FAM107B: variants seen among roughly 807,000 people sequenced by gnomAD.
The protein encoded by FAM107B is protein FAM107B.
A neutral mutation model predicts 31.5 loss-of-function variants in FAM107B; 21 were observed. The observed-to-expected ratio is 0.67, with a 90% CI of 0.47 to 0.96. The LOEUF (loss-of-function observed/expected upper bound fraction) is 0.96, where lower values mean the gene tolerates loss of function less well. Among genes scored for constraint, FAM107B ranks in the 40% least tolerant of loss-of-function variants. The pLI, the probability that FAM107B is intolerant of heterozygous loss-of-function variation, is 0.00. For synonymous variants in FAM107B, 157 were observed against 141.5 expected (o/e 1.11, Z -0.78); for missense variants, 452 against 377.1 (o/e 1.20, Z -1.64).
intron 1 of FAM107B, among the ~76,000 whole-genome samples, chr10:14,753,845 C>T (rs1446302553): frequency 2.6e-5 from 4 of 151,884 alleles, no homozygotes; most frequent in Non-Finnish European, 5.9e-5. Flanking sequence ...ACATCTTCCC[C>T]CCACCTATAT....
At chr10:14,721,151 A>G (rs1024126349) in intron 1 of FAM107B, among the ~76,000 whole-genome samples, 1 of 152,166 alleles carries the variant, frequency 6.6e-6, no homozygotes, top group Non-Finnish European at 1.5e-5. Context: ...AGCTTCATCC[A>G]TGTCCCTACA....
chr10:14,572,739 T>TATATATATATATATATATATATA (rs1554835533), intron 2 of FAM107B, among the ~76,000 whole-genome samples: 2 of 92,004 alleles, frequency 2.2e-5, no homozygotes, highest in African/African-American at 7.6e-5. Flanking sequence ...AAAAAAAAAT[T>TATATATATATATATATATATATA]TATATATATA....
chr10:14,729,852 G>A (rs192819583), intron 1 of FAM107B, among the ~76,000 whole-genome samples: 7 of 152,196 alleles, frequency 4.6e-5, no homozygotes, highest in Admixed American at 2.6e-4. Flanking sequence ...GAAATACTAC[G>A]CAGCCATAAA....
chr10:14,614,652 G>A (rs1852806267), intron 2 of FAM107B, among the ~76,000 whole-genome samples: 1 of 142,834 alleles, frequency 7.0e-6, no homozygotes, highest in South Asian at 2.3e-4. Flanking sequence ...CAGCCTGGGT[G>A]ACACAGCAAG....
At chr10:14,666,939 C>G (rs1367489992) in intron 2 of FAM107B, among the ~76,000 whole-genome samples, 1 of 152,190 alleles carries the variant, frequency 6.6e-6, no homozygotes. Context: ...AGAACATGAG[C>G]CTTTGCCAGC....
chr10:14,644,538 T>C (rs1414702201), intron 2 of FAM107B, among the ~76,000 whole-genome samples: 1 of 152,262 alleles, frequency 6.6e-6, no homozygotes, highest in Non-Finnish European at 1.5e-5. Flanking sequence ...GATGTTCTCC[T>C]CTGCACTAGA....
intron 2 of FAM107B, among the ~76,000 whole-genome samples, chr10:14,611,410 G>C (rs768704500): frequency 1.3e-5 from 2 of 148,756 alleles, no homozygotes; most frequent in Non-Finnish European, 3.0e-5. Flanking sequence ...ATTCGCTCTA[G>C]ATACAGACAT....
chr10:14,521,357 CA>C (rs1482998139), intron 4 of FAM107B, 51 bp from the exon 5 acceptor site: 4 of 1,431,426 alleles, frequency 2.8e-6, no homozygotes, highest in Non-Finnish European at 3.9e-6. Flanking sequence ...AGCAGCCTTT[CA>C]AAATACTCTT....
At chr10:14,603,192 G>C (rs1232100677) in intron 2 of FAM107B, among the ~76,000 whole-genome samples, 1 of 152,076 alleles carries the variant, frequency 6.6e-6, no homozygotes, top group African/African-American at 2.4e-5. Flanking sequence ...GAAACCAGCA[G>C]CGCTAAGAAA....
At chr10:14,762,459 C>T (rs1411703669) in intron 1 of FAM107B, among the ~76,000 whole-genome samples, 3 of 152,100 alleles carry the variant, frequency 2.0e-5, no homozygotes, top group East Asian at 3.9e-4. Context: ...GTGAGAACAA[C>T]AGTATTCAAG....
intron 2 of FAM107B, among the ~76,000 whole-genome samples, chr10:14,582,885 A>T (rs559634415): frequency 1.3e-5 from 2 of 152,034 alleles, no homozygotes; most frequent in African/African-American, 4.8e-5. Flanking sequence ...CAGGAGTTCG[A>T]GATCGGCCTG....
intron 1 of FAM107B, among the ~76,000 whole-genome samples, chr10:14,692,707 A>T (rs1855169493): frequency 6.6e-6 from 1 of 152,170 alleles, no homozygotes; most frequent in Admixed American, 6.5e-5. Context: ...CCTTTGCTGT[A>T]TGCAATTGAT....
intron 2 of FAM107B, chr10:14,553,301 A>C (rs928198738): frequency 1.3e-5 from 16 of 1,231,124 alleles, no homozygotes; most frequent in Non-Finnish European, 1.7e-5. Flanking sequence ...TGACCGAGAC[A>C]GTAAATTTCC....
intron 2 of FAM107B, among the ~76,000 whole-genome samples, chr10:14,635,422 AAAAC>A (rs1461587997): frequency 1.3e-5 from 2 of 152,328 alleles, no homozygotes; most frequent in East Asian, 1.9e-4. Context: ...ACTACTTATT[AAAAC>A]AAACAAACAA....
chr10:14,570,179 A>G (rs550741965), intron 2 of FAM107B, among the ~76,000 whole-genome samples: 31 of 151,896 alleles, frequency 2.0e-4, no homozygotes, highest in Admixed American at 7.2e-4. Context: ...GGTAGCCCAT[A>G]TTTTTTCTGA....
chr10:14,586,997 G>C (rs1588636289), intron 2 of FAM107B, among the ~76,000 whole-genome samples: 1 of 152,162 alleles, frequency 6.6e-6, no homozygotes, highest in Non-Finnish European at 1.5e-5. Context: ...GAATAGTCTC[G>C]CCCATCAGGT....
intron 2 of FAM107B, chr10:14,654,099 C>T (rs1187860865): frequency 1.1e-5 from 1 of 92,470 alleles, no homozygotes; most frequent in African/African-American, 4.3e-5. Context: ...AAAGGCAACT[C>T]CAGTTGATTT....
intron 2 of FAM107B, among the ~76,000 whole-genome samples, chr10:14,611,792 G>T (rs887901722): frequency 6.6e-6 from 1 of 151,578 alleles, no homozygotes; most frequent in African/African-American, 2.4e-5. Context: ...GGAGCTCAAG[G>T]TCCTCTTCTA....
Position 14,521,258 on chromosome 10 carries a change from C to G in FAM107B, c.853G>C (p.Glu285Gln). 1.9e-6 allele frequency: 3 copies of G among 1,614,090 alleles called. No individual in the cohort carries two copies. The highest frequency in any genetic ancestry group is 2.5e-6 in the Non-Finnish European group (3 of 1,180,000). Residue 285 changes from glutamate (E) to glutamine (Q), a missense_variant, in exon 5 of 5, where the codon GAG becomes CAG. Transcript: ENST00000181796. ...KLQEEQENAP[E>Q]FVKVKGNLRR... ...AGATTGCCTTTCACCTTCACAAACT[C>G]GGGGGCATTTTCTTGCTCTTCTTGC...
Sources: gnomAD v4.1 joint callset for allele counts (sites outside exome capture counted in the v4.1 genomes callset) on GRCh38, gnomAD v4.1.1 for gene constraint, MANE v1.5 for transcripts, NCBI Gene and HGNC (gene_info 2026-07-23, HGNC 2026-07-21) for gene names.